Variants in DPF3 observed in about 807,000 individuals in gnomAD.
The protein encoded by DPF3 is double PHD fingers 3.
In DPF3, 18 loss-of-function variants were observed where a neutral mutation model predicts 56.8. That is an observed-to-expected ratio of 0.32 (90% CI 0.22 to 0.47). The LOEUF (loss-of-function observed/expected upper bound fraction) is 0.47. Among genes scored for constraint, DPF3 ranks in the 20% least tolerant of loss-of-function variants. DPF3 has a pLI of 1.00. For missense variants in DPF3, 403 were observed against 488.8 expected, an observed-to-expected ratio of 0.82 and a Z score of 1.65; for synonymous variants, 188 against 180.2, an observed-to-expected ratio of 1.04 and a Z score of -0.35.
In DPF3 at chr14:72,626,651, A is replaced by G. The variant is rs78379469; in HGVS notation, c.984+2973T>C. On this transcript the variant is annotated intron_variant, in intron 9 of 10. Transcript: ENST00000556509. Reference sequence around the variant, plus strand: ...GAACAATGCTACCACAAATAACCTTATGCATTCCATCATGTTGCAGGTATA... The same window carrying G: ...GAACAATGCTACCACAAATAACCTTGTGCATTCCATCATGTTGCAGGTATA... Among the ~76,000 whole-genome samples, 655 of 152,228 alleles carry G rather than the reference A, an allele frequency of 4.3e-3. 7 individuals are homozygous for G. Among genetic ancestry groups the G allele is most frequent in the African/African-American group, 0.015 (637 of 41,566 alleles).
intron 1 of DPF3, among the ~76,000 whole-genome samples, chr14:72,837,652 C>T (rs112210024): frequency 0.015 from 2,234 of 152,110 alleles, 53 homozygotes; most frequent in African/African-American, 0.051. Context: ...GCAGAAGAAT[C>T]GCTTGAACCT....
chr14:72,753,642 G>T (rs1394919808), intron 2 of DPF3, among the ~76,000 whole-genome samples: 1 of 152,058 alleles, frequency 6.6e-6, no homozygotes, highest in African/African-American at 2.4e-5. Flanking sequence ...CTGCTCTCCT[G>T]CCTGGAGAGA....
chr14:72,734,834 T>C (rs185231362), intron 3 of DPF3, among the ~76,000 whole-genome samples: 1 of 152,310 alleles, frequency 6.6e-6, no homozygotes, highest in African/African-American at 2.4e-5. Context: ...TTATTAGTGG[T>C]TGACAGGCTT....
At chr14:72,740,161 A>G (rs543697967) in intron 3 of DPF3, among the ~76,000 whole-genome samples, 1 of 152,328 alleles carries the variant, frequency 6.6e-6, no homozygotes, top group Non-Finnish European at 1.5e-5. Context: ...TGCCTGGAGC[A>G]CGGTGAGCCA....
intron 1 of DPF3, among the ~76,000 whole-genome samples, chr14:72,851,778 C>T (rs755039931): frequency 2.6e-5 from 4 of 152,182 alleles, no homozygotes; most frequent in Non-Finnish European, 4.4e-5. Flanking sequence ...CTGTTCCTCC[C>T]CGTGTGGGTA....
In DPF3 at chr14:72,815,581, C is replaced by T. The variant is rs190234963; in HGVS notation, c.33-43688G>A. ...GCCAAAACTTGGGAACACCCAAGTG[C>T]TCATCAGTTGGTAAATGAATAAGCA... On this transcript the variant is annotated intron_variant, in intron 1 of 10. Coordinates refer to ENST00000556509, the MANE Select transcript of DPF3 (RefSeq NM_001280542.3). Among the ~76,000 whole-genome samples, 26 of 152,344 alleles carry T rather than the reference C, an allele frequency of 1.7e-4. No individual in the cohort carries two copies. In the East Asian group the frequency reaches 4.2e-3, roughly 25 times the overall value.
At chr14:72,652,134 G>A (rs1166331789) in intron 8 of DPF3, among the ~76,000 whole-genome samples, 1 of 152,204 alleles carries the variant, frequency 6.6e-6, no homozygotes, top group Non-Finnish European at 1.5e-5. Flanking sequence ...AGAACCTGGG[G>A]TAACGTGGAA....
chr14:72,666,905 A>C (rs918056758), intron 8 of DPF3, among the ~76,000 whole-genome samples: 2 of 152,226 alleles, frequency 1.3e-5, no homozygotes, highest in Non-Finnish European at 2.9e-5. Flanking sequence ...GTTCAAGATC[A>C]TATTCATCAG....
chr14:72,813,000 C>T (rs996519234), intron 1 of DPF3, among the ~76,000 whole-genome samples: 2 of 152,122 alleles, frequency 1.3e-5, no homozygotes, highest in African/African-American at 2.4e-5. Context: ...AGACACACCG[C>T]ATCGCCTCTG....
intron 2 of DPF3, among the ~76,000 whole-genome samples, chr14:72,755,041 G>A (rs1309509973): frequency 6.6e-6 from 1 of 152,224 alleles, no homozygotes; most frequent in African/African-American, 2.4e-5. Flanking sequence ...GCATCCAAGA[G>A]GGACTCCAGA....
chr14:72,840,879 C>G (rs527874210), intron 1 of DPF3, among the ~76,000 whole-genome samples: 1 of 152,278 alleles, frequency 6.6e-6, no homozygotes, highest in East Asian at 1.9e-4. Flanking sequence ...ATGATGAACT[C>G]CTGATTCAGC....
rs115467396 is a variant in DPF3, at chr14:72,712,226, G to A, written c.604+2197C>T. The stretch of plus-strand genomic sequence containing the variant: ...AGGTGGGAGAGAGCCTGCGGGGAGG[G>A]CATCGAGAGAAGCAAACGTCACTGA... On this transcript the variant is annotated intron_variant, in intron 6 of 10. Coordinates refer to ENST00000556509, the MANE Select transcript of DPF3 (RefSeq NM_001280542.3). Among the ~76,000 whole-genome samples the A allele has an allele frequency of 2.9e-3, 443 of 152,294 alleles. 2 individuals carry two copies. Among genetic ancestry groups the A allele is most frequent in the African/African-American group, 0.01 (428 of 41,574 alleles).
rs115670882 is a variant in DPF3, at chr14:72,622,678, C to T, written c.985-2694G>A. Among the ~76,000 whole-genome samples the T allele has an allele frequency of 5.0e-4, 76 of 152,134 alleles. 1 individual carries two copies. Among genetic ancestry groups the T allele is most frequent in the African/African-American group, 1.7e-3 (72 of 41,484 alleles). Reference sequence around the variant, plus strand: ...TCTTCTCTTCCACCACCAAGAGCCCCCAGCTTATGCTAACTCTCATGACAA... The same window carrying T: ...TCTTCTCTTCCACCACCAAGAGCCCTCAGCTTATGCTAACTCTCATGACAA... On this transcript the variant is annotated intron_variant, in intron 9 of 10. Coordinates refer to ENST00000556509, the MANE Select transcript of DPF3 (RefSeq NM_001280542.3).
At chr14:72,733,257 C>CTA (rs1350680747) in intron 3 of DPF3, among the ~76,000 whole-genome samples, 1 of 152,198 alleles carries the variant, frequency 6.6e-6, no homozygotes, top group Non-Finnish European at 1.5e-5. Flanking sequence ...GGGGCAGGAA[C>CTA]TATGATGCAG....
chr14:72,795,763 T>G (rs1257324180), intron 1 of DPF3, among the ~76,000 whole-genome samples: 1 of 152,150 alleles, frequency 6.6e-6, no homozygotes, highest in African/African-American at 2.4e-5. Flanking sequence ...TCTAGAGACA[T>G]GATCAAAATT....
At chr14:72,624,431 C>T (rs150326686) in intron 9 of DPF3, among the ~76,000 whole-genome samples, 44 of 149,320 alleles carry the variant, frequency 2.9e-4, no homozygotes, top group African/African-American at 9.5e-4. Context: ...CTCCTTCTCC[C>T]GGGCTCAAGC....
intron 2 of DPF3, among the ~76,000 whole-genome samples, chr14:72,771,192 T>TA (rs1377719795): frequency 6.6e-6 from 1 of 151,838 alleles, no homozygotes; most frequent in Non-Finnish European, 1.5e-5. Flanking sequence ...ACAATAATAA[T>TA]AATAATACCC....
At position 72,662,938 on chromosome 14, in the gene DPF3, T is replaced by TAAA. The variant is rs5809583; in HGVS notation, c.871+11299_871+11301dup. 1,307 of 568,626 alleles carry TAAA rather than the reference T, an allele frequency of 2.3e-3. 22 individuals are homozygous for TAAA. The African/African-American group carries it at 0.026, about 11-fold the overall frequency. The allele number at this position is 568,626 out of a possible 1,614,324, so 35.2% of individuals were successfully genotyped here. A position where few individuals can be genotyped will look rare whatever the true frequency, so the allele number is the denominator to read the frequency against. ...AAGGGGTGACAGAAATGAAATGAATTAAAAAAAAAAAAGAAGAAGAAAGAA... is the reference window on the plus strand; with the variant it reads ...AAGGGGTGACAGAAATGAAATGAATTAAAAAAAAAAAAAAAGAAGAAGAAAGAA... On this transcript the variant is annotated intron_variant, in intron 8 of 10. Coordinates refer to ENST00000556509, the MANE Select transcript of DPF3 (RefSeq NM_001280542.3).
At chr14:72,678,038 T>C (rs1268565822) in intron 7 of DPF3, among the ~76,000 whole-genome samples, 4 of 152,230 alleles carry the variant, frequency 2.6e-5, no homozygotes, top group Admixed American at 2.6e-4. Context: ...AATCTTTTGC[T>C]GGATGCTTTA....
Sources: allele counts gnomAD v4.1 joint callset (sites outside exome capture counted in the v4.1 genomes callset), GRCh38; gene constraint gnomAD v4.1.1; transcripts MANE v1.5; gene names NCBI Gene and HGNC (gene_info 2026-07-23, HGNC 2026-07-21).